The following SLC6A12 variants were observed in gnomAD, a reference collection of about 807,000 sequenced individuals.
SLC6A12 encodes the protein sodium- and chloride-dependent betaine transporter.
SLC6A12 carries 50 observed loss-of-function variants against 73.3 expected under a neutral mutation model. That is an observed-to-expected ratio of 0.68 (90% confidence interval 0.54 to 0.86). The LOEUF is 0.86. Ranked by LOEUF, SLC6A12 falls within the 40% of genes least tolerant of loss-of-function variation. The probability of loss-of-function intolerance (pLI) is 0.00; values close to 1 mark genes in which losing one functional copy is unlikely to be tolerated. For synonymous variants in SLC6A12, 304 were observed against 309.2 expected (o/e 0.98, Z 0.18); for missense variants, 648 against 772.8 (o/e 0.84, Z 1.92).
At chr12:201,120 G>A (rs1266132246) in intron 6 of SLC6A12, 3 of 230,304 alleles carry the variant, frequency 1.3e-5, no homozygotes, top group East Asian at 2.2e-4. Context: ...CCGTGCAGGG[G>A]CTGAGTGTGT....
chr12:196,303 G>A (rs763340623), intron 11 of SLC6A12, 42 bp from the exon 12 acceptor site: 33 of 1,587,256 alleles, frequency 2.1e-5, no homozygotes, highest in Non-Finnish European at 2.7e-5. Context: ...GTGTGGGGCG[G>A]GCTGTTGGCC....
downstream of SLC6A12, among the ~76,000 whole-genome samples, chr12:186,991 G>C (rs1021549790): frequency 6.6e-6 from 1 of 152,152 alleles, no homozygotes; most frequent in Non-Finnish European, 1.5e-5. Flanking sequence ...CCTGCCCAAA[G>C]TTCTCACTTT....
chr12:197,468 G>C lies in SLC6A12; in HGVS notation c.984C>G (p.Ala328=). ...CAACAAACCCAGCCACAAAGCTGGT[G>C]GCACTGTTCAGGAAGCAGAGGGCGA... is the stretch of plus-strand genomic sequence containing the variant. The part of the protein sequence containing the change: ...DCIALCFLNS[A]TSFVAGFVVF... The change falls in exon 10 of 16, where the codon GCC becomes GCG. Residue 328 remains alanine (A), a synonymous_variant. Coordinates refer to ENST00000684302, the MANE Select transcript of SLC6A12 (RefSeq NM_001122848.3). 1 of 1,613,948 alleles carries C rather than the reference G, an allele frequency of 6.2e-7. No homozygotes were observed. Among genetic ancestry groups the C allele is most frequent in the Non-Finnish European group, 8.5e-7 (1 of 1,179,924 alleles).
chr12:194,013 A>G (rs1939745943), intron 13 of SLC6A12: 1 of 152,248 alleles, frequency 6.6e-6, no homozygotes, highest in Non-Finnish European at 1.5e-5. Context: ...GAAGCAAAGA[A>G]TCACTGAATG....
chr12:201,536 G>A (rs557705284), intron 6 of SLC6A12: 45 of 537,418 alleles, frequency 8.4e-5, no homozygotes, highest in African/African-American at 5.3e-4. Context: ...GGGATGTGGG[G>A]CTGAAGGTGG....
At chr12:208,016 G>T (rs555165574) in intron 3 of SLC6A12, among the ~76,000 whole-genome samples, 1 of 152,184 alleles carries the variant, frequency 6.6e-6, no homozygotes, top group African/African-American at 2.4e-5. Context: ...CAGGGTGGGC[G>T]CCCGACACCG....
At chr12:187,370 G>GT (rs1460130717), downstream of SLC6A12, among the ~76,000 whole-genome samples, 6 of 151,904 alleles carry the variant, frequency 3.9e-5, no homozygotes, top group African/African-American at 1.5e-4. Flanking sequence ...CCTTCTGGTA[G>GT]GTTCGTGGTC....
Position 192,371 on chromosome 12 carries a change from C to T in SLC6A12, c.1701+107G>A, listed in dbSNP as rs747063769. On this transcript the variant is annotated intron_variant, in intron 15 of 15. Transcript: ENST00000684302. The stretch of plus-strand genomic sequence containing the variant: ...TCTGTGAGACTGAAGGGCTGCCCCA[C>T]ACTCAGAGTTTGTGTCTGCTCCCTG... The T allele has an allele frequency of 6.4e-6, 6 of 940,028 alleles. No individual in the cohort carries two copies. In the East Asian group the frequency reaches 1.5e-4, roughly 23 times the overall value. The allele number at this position is 940,028 out of a possible 1,614,324, so 58.2% of individuals were successfully genotyped here. A position where few individuals can be genotyped will look rare whatever the true frequency, so the allele number is the denominator to read the frequency against.
chr12:195,139 C>T (rs945920531), intron 13 of SLC6A12, 86 bp downstream of exon 13: 22 of 813,518 alleles, frequency 2.7e-5, no homozygotes, highest in Non-Finnish European at 4.3e-5. Context: ...GACCAGAGAA[C>T]GGCCTCCCCC....
chr12:197,803 A>C, intron 9 of SLC6A12, 97 bp downstream of exon 9: 1 of 851,428 alleles, frequency 1.2e-6, no homozygotes, highest in Non-Finnish European at 1.9e-6. Context: ...TATAATGAAT[A>C]AGGAAGGTCT....
intron 10 of SLC6A12, 59 bp from the exon 11 acceptor site, chr12:196,941 A>G: frequency 1.7e-6 from 2 of 1,208,608 alleles, no homozygotes; most frequent in Non-Finnish European, 1.2e-6. Flanking sequence ...CTTGGGGAAG[A>G]GGCGTCTCTC....
downstream of SLC6A12, chr12:190,009 G>C (rs1355415585): frequency 1.3e-5 from 2 of 152,420 alleles, no homozygotes; most frequent in Non-Finnish European, 2.9e-5. Flanking sequence ...CCAACAGAGG[G>C]GTCCTCTCTT....
chr12:195,315 T>C lies in SLC6A12; in HGVS notation c.1339A>G (p.Ile447Val). The C allele has an allele frequency of 6.2e-7, 1 of 1,609,670 alleles. No individual in the cohort carries two copies. Among genetic ancestry groups the C allele is most frequent in the Non-Finnish European group, 8.5e-7 (1 of 1,175,910 alleles). ...LFLVTEGGMY[I>V]FQLFDYYASS... The stretch of plus-strand genomic sequence containing the variant: ...GCATAGTAGTCAAACAGCTGGAAGA[T>C]GTACATCCCGCCCTGTGGGGAGAGC... The change falls in exon 13 of 16, where the codon ATC (isoleucine) becomes GTC (valine). Residue 447 changes from isoleucine to valine, a missense_variant. Ile to Val is a conservative substitution (Grantham distance 29). Transcript: ENST00000684302.
downstream of SLC6A12, among the ~76,000 whole-genome samples, chr12:186,563 G>A (rs1470184549): frequency 6.6e-6 from 1 of 152,182 alleles, no homozygotes; most frequent in East Asian, 1.9e-4. Flanking sequence ...TAGAAGCCTT[G>A]GCCAGCTGGG....
chr12:206,716 G>A (rs574580996), intron 3 of SLC6A12, among the ~76,000 whole-genome samples: 11 of 152,340 alleles, frequency 7.2e-5, no homozygotes, highest in African/African-American at 2.6e-4. Context: ...ATACTAGAGT[G>A]TTGGTCAGCA....
At chr12:187,595 A>AAAGGGC (rs1565461289), downstream of SLC6A12, among the ~76,000 whole-genome samples, 1 of 6,622 alleles carries the variant, frequency 1.5e-4, no homozygotes, top group African/African-American at 2.1e-4. Context: ...AGAGCAAAAA[A>AAAGGGC]AAAAAAAAAA....
intron 7 of SLC6A12, 50 bp downstream of exon 7, chr12:200,601 C>T (rs541800727): frequency 1.3e-5 from 21 of 1,596,046 alleles, no homozygotes; most frequent in Non-Finnish European, 1.5e-5. Flanking sequence ...CAAGTGTCCC[C>T]GTAGACTCTG....
At chr12:204,100 G>A (rs1387115036) in intron 4 of SLC6A12, 3 of 169,110 alleles carry the variant, frequency 1.8e-5, no homozygotes, top group Non-Finnish European at 2.6e-5. Flanking sequence ...TGTGCTGTCC[G>A]TGAGCGTGCT....
chr12:210,127 A>T, intron 2 of SLC6A12, 84 bp from the exon 3 acceptor site: 1 of 1,427,576 alleles, frequency 7.0e-7, no homozygotes. Context: ...CGCTGTCAGC[A>T]TATTGTTGTT....
Sources: allele counts gnomAD v4.1 joint callset (sites outside exome capture counted in the v4.1 genomes callset), GRCh38; gene constraint gnomAD v4.1.1; transcripts MANE v1.5; gene names NCBI Gene and HGNC (gene_info 2026-07-23, HGNC 2026-07-21).